BTRC: variants seen among roughly 807,000 people sequenced by gnomAD.
BTRC encodes the protein F-box/WD repeat-containing protein 1A.
BTRC carries 42 observed loss-of-function variants against 85.5 expected under a neutral mutation model. The ratio of observed to expected loss-of-function variants is 0.49; its 90% CI spans 0.38 to 0.64. The LOEUF (loss-of-function observed/expected upper bound fraction) is 0.64. Ranked by LOEUF, BTRC falls within the 30% of genes least tolerant of loss-of-function variation. The probability of loss-of-function intolerance (pLI) is 0.00; values close to 1 mark genes in which losing one functional copy is unlikely to be tolerated. For missense variants in BTRC, 594 were observed against 743.5 expected (o/e 0.80, Z 2.34); for synonymous variants, 255 against 263.3 (o/e 0.97, Z 0.30).
At chr10:101,534,631 T>TACC in intron 9 of BTRC, 30 bp from the exon 10 acceptor site, 1 of 1,612,586 alleles carries the variant, frequency 6.2e-7, no homozygotes, top group South Asian at 1.1e-5. Context: ...GTAGCTTGAG[T>TACC]ACCATCTAAA....
chr10:101,507,846 T>C (rs1001320037), intron 4 of BTRC, among the ~76,000 whole-genome samples: 11 of 152,290 alleles, frequency 7.2e-5, no homozygotes, highest in East Asian at 1.9e-4. Context: ...CCTTTTTTTT[T>C]CCCTCACCAC....
intron 1 of BTRC, among the ~76,000 whole-genome samples, chr10:101,403,893 C>T (rs1273965743): frequency 6.6e-6 from 1 of 151,234 alleles, no homozygotes; most frequent in Non-Finnish European, 1.5e-5. Context: ...CTGCACCTGG[C>T]CCATTTAGTT....
Position 101,533,042 on chromosome 10 carries a change from A to G in BTRC, c.1069A>G (p.Ile357Val), listed in dbSNP as rs769259814. The G allele has an allele frequency of 1.2e-5, 19 of 1,612,446 alleles. No homozygotes were observed. Among genetic ancestry groups the G allele is most frequent in the African/African-American group, 2.7e-5 (2 of 74,826 alleles). Residue 357 changes from isoleucine to valine, a missense_variant, in exon 9 of 15, where the codon ATA becomes GTA. Ile to Val is a conservative substitution (Grantham distance 29). This residue lies in a region of BTRC where 373 missense variants were observed against 503.6 expected (regional missense o/e 0.74). Transcript: ENST00000370187. ...TCTCCAGTATGATGAGAGAGTGATC[A>G]TAACAGGATCATCGGATTCCACGGT... ...LCLQYDERVI[I>V]TGSSDSTVRV...
intron 1 of BTRC, among the ~76,000 whole-genome samples, chr10:101,373,462 A>G (rs1942697295): frequency 1.3e-5 from 2 of 152,190 alleles, no homozygotes; most frequent in African/African-American, 4.8e-5. Context: ...CAAATGAAGA[A>G]AAAGAGTAAA....
chr10:101,471,075 T>C (rs2134197323), intron 3 of BTRC, among the ~76,000 whole-genome samples: 1 of 152,332 alleles, frequency 6.6e-6, no homozygotes, highest in Admixed American at 6.5e-5. Flanking sequence ...TTGCACCAAA[T>C]ACCATAGTGT....
chr10:101,433,314 A>C (rs1004302217), intron 2 of BTRC, among the ~76,000 whole-genome samples: 22 of 152,196 alleles, frequency 1.4e-4, no homozygotes, highest in African/African-American at 5.3e-4. Context: ...TAATTCTGAA[A>C]GTGTAATCTC....
chr10:101,498,165 T>C (rs1946311538), intron 4 of BTRC, among the ~76,000 whole-genome samples: 1 of 152,112 alleles, frequency 6.6e-6, no homozygotes, highest in Admixed American at 6.5e-5. Context: ...CTTAAGCTGC[T>C]TTTTTTGAGA....
intron 3 of BTRC, among the ~76,000 whole-genome samples, chr10:101,475,264 G>A (rs117057068): frequency 0.02 from 3,091 of 152,242 alleles, 49 homozygotes; most frequent in Non-Finnish European, 0.028. Context: ...AAACAGCTGG[G>A]CGTGGTGGCT....
In BTRC at chr10:101,430,434, C is replaced by T. The variant is rs200450651; in HGVS notation, c.138C>T (p.Gly46=). 3.7e-6 allele frequency: 6 copies of T among 1,613,864 alleles called. No individual in the cohort carries two copies. The highest frequency in any genetic ancestry group is 1.3e-5 in the African/African-American group (1 of 75,030). Residue 46 remains glycine (G), a synonymous_variant, in exon 2 of 15, where the codon GGC becomes GGT. Transcript: ENST00000370187. The stretch of plus-strand genomic sequence containing the variant: ...GATGCCTGTATAACCCAGGGACTGG[C>T]GCACTCACAGCTTTCCAGGTACTTT... ...SLRCLYNPGT[G]ALTAFQNSSE... is the part of the protein sequence containing the mutation.
At chr10:101,514,262 C>CT (rs546365205) in intron 4 of BTRC, among the ~76,000 whole-genome samples, 2 of 151,958 alleles carry the variant, frequency 1.3e-5, no homozygotes, top group Non-Finnish European at 2.9e-5. Context: ...AATTTACTGA[C>CT]TTTTTTTTCC....
At chr10:101,390,788 AAAC>A (rs1319372344) in intron 1 of BTRC, among the ~76,000 whole-genome samples, 4 of 152,220 alleles carry the variant, frequency 2.6e-5, no homozygotes, top group Admixed American at 1.3e-4. Context: ...AAAGAAAGAA[AAAC>A]AACAACTTTT....
intron 2 of BTRC, among the ~76,000 whole-genome samples, chr10:101,455,072 T>C (rs1945040625): frequency 1.3e-5 from 2 of 151,926 alleles, no homozygotes; most frequent in African/African-American, 2.4e-5. Flanking sequence ...TTTTTTTTTT[T>C]TTTCTTTGAG....
At chr10:101,411,414 C>A (rs1238845453) in intron 1 of BTRC, among the ~76,000 whole-genome samples, 2 of 152,146 alleles carry the variant, frequency 1.3e-5, no homozygotes, top group East Asian at 3.8e-4. Flanking sequence ...CTCTAATTTT[C>A]TTTTGAGACA....
intron 4 of BTRC, among the ~76,000 whole-genome samples, chr10:101,495,570 T>C (rs1270765841): frequency 6.6e-6 from 1 of 152,190 alleles, no homozygotes; most frequent in Admixed American, 6.5e-5. Context: ...ATGGGAACAA[T>C]TGTCTGTATG....
intron 4 of BTRC, among the ~76,000 whole-genome samples, chr10:101,480,586 G>A (rs1945807906): frequency 6.6e-6 from 1 of 152,016 alleles, no homozygotes; most frequent in Non-Finnish European, 1.5e-5. Flanking sequence ...CCACTTACAA[G>A]GGGTCTGCCT....
chr10:101,529,008 A>T (rs2062242037), intron 6 of BTRC, among the ~76,000 whole-genome samples: 1 of 152,204 alleles, frequency 6.6e-6, no homozygotes, highest in Non-Finnish European at 1.5e-5. Flanking sequence ...CTGCTCAGTA[A>T]TGGTAACTCT....
At chr10:101,551,678 C>T (rs7897749) in intron 14 of BTRC, among the ~76,000 whole-genome samples, 2,076 of 152,336 alleles carry the variant, frequency 0.014, 36 homozygotes, top group African/African-American at 0.044. Context: ...AGTACATGTT[C>T]GCTACACGTT....
intron 5 of BTRC, among the ~76,000 whole-genome samples, chr10:101,522,945 C>T (rs1286014564): frequency 4.6e-5 from 7 of 152,108 alleles, no homozygotes; most frequent in Admixed American, 4.6e-4. Context: ...GTGGCTCAGG[C>T]CTGTAATTCC....
At chr10:101,496,874 C>T (rs1196891439) in intron 4 of BTRC, among the ~76,000 whole-genome samples, 1 of 152,076 alleles carries the variant, frequency 6.6e-6, no homozygotes, top group African/African-American at 2.4e-5. Flanking sequence ...ATATATTTCT[C>T]CTAAACTGTG....
Sources: gnomAD v4.1 joint callset for allele counts (sites outside exome capture counted in the v4.1 genomes callset) on GRCh38, gnomAD v4.1.1 for gene constraint, gnomAD v4.1.1 regional missense constraint, MANE v1.5 for transcripts, NCBI Gene and HGNC (gene_info 2026-07-23, HGNC 2026-07-21) for gene names.